Variants in ZSCAN12 observed in about 807,000 individuals in gnomAD.
The protein encoded by ZSCAN12 is zinc finger and SCAN domain-containing protein 12.
In ZSCAN12, 18 loss-of-function variants were observed where a neutral mutation model predicts 23.4. The observed-to-expected ratio is 0.77, with a 90% CI of 0.53 to 1.14. The LOEUF (loss-of-function observed/expected upper bound fraction) is 1.14, where lower values mean the gene tolerates loss of function less well. Among genes scored for constraint, ZSCAN12 ranks in the 50% most tolerant of loss-of-function variants. The pLI, the probability that ZSCAN12 is intolerant of heterozygous loss-of-function variation, is 0.00. For missense variants in ZSCAN12, 650 were observed against 735.0 expected (o/e 0.88, Z 1.34); for synonymous variants, 186 against 253.4 (o/e 0.73, Z 2.53).
Position 28,386,808 on chromosome 6 carries a change from A to C in ZSCAN12, c.*3646T>G, listed in dbSNP as rs1229200364. Among the ~76,000 whole-genome samples the C allele has an allele frequency of 6.6e-6, 1 of 151,842 alleles. No homozygotes were observed. Among genetic ancestry groups the C allele is most frequent in the Non-Finnish European group, 1.5e-5 (1 of 67,950 alleles). On this transcript the variant is annotated 3_prime_UTR_variant, in exon 4 of 4. Transcript: ENST00000684592. Reference sequence around the variant, plus strand: ...AAGCATGAGAAATAACCAGAACAAAACCCCCACGTGTATTTTTATTTTTAT... The same window carrying C: ...AAGCATGAGAAATAACCAGAACAAACCCCCCACGTGTATTTTTATTTTTAT...
downstream of ZSCAN12, among the ~76,000 whole-genome samples, chr6:28,384,671 C>T (rs975108881): frequency 1.3e-5 from 2 of 152,146 alleles, no homozygotes; most frequent in Non-Finnish European, 2.9e-5. Flanking sequence ...GCTTTGTCAA[C>T]ATCAAATTAT....
rs1338046503 is a variant in ZSCAN12 at position 28,390,580 on chromosome 6, T to C, written c.1710A>G (p.Lys570=). The C allele has an allele frequency of 6.3e-7, 1 of 1,598,034 alleles. No homozygotes were observed. The highest frequency in any genetic ancestry group is 1.8e-5 in the Admixed American group (1 of 57,006). ...KAFRQRSDLS[K]HQRIHNRRGT... Reference sequence around the variant, plus strand: ...CACGTCTATTATGGATTCTCTGGTGTTTACTAAGATCTGACCTCTGTCTGA... The same window carrying C: ...CACGTCTATTATGGATTCTCTGGTGCTTACTAAGATCTGACCTCTGTCTGA... The change falls in exon 4 of 4, where the codon AAA becomes AAG. Residue 570 remains lysine, a synonymous_variant. Transcript: ENST00000684592.
intron 2 of ZSCAN12, among the ~76,000 whole-genome samples, chr6:28,395,712 G>A (rs981850232): frequency 2.0e-5 from 3 of 152,108 alleles, no homozygotes; most frequent in African/African-American, 7.2e-5. Context: ...TGGCCTACAA[G>A]TTCTGACATA....
chr6:28,382,141 C>T (rs903621728), downstream of ZSCAN12: 2 of 172,620 alleles, frequency 1.2e-5, no homozygotes, highest in African/African-American at 4.7e-5. Context: ...TTCAACTTTT[C>T]CAGCATCATC....
At position 28,390,759 on chromosome 6, in the gene ZSCAN12, C is replaced by G; in HGVS notation, c.1531G>C (p.Val511Leu). 6.2e-7 allele frequency: 1 copy of G among 1,609,152 alleles called. No individual in the cohort carries two copies. Among genetic ancestry groups the G allele is most frequent in the Non-Finnish European group, 8.5e-7 (1 of 1,177,432 alleles). ...KCGKAFTQRS[V>L]LTEHQRIHTG... ...TGGATTCTCTGATGTTCCGTGAGGA[C>G]TGATCTTTGAGTAAACGCCTTCCCA... Residue 511 changes from valine to leucine, a missense_variant, in exon 4 of 4, where the codon GTC becomes CTC. Coordinates refer to ENST00000684592, the MANE Select transcript of ZSCAN12 (RefSeq NM_001163391.2).
chr6:28,397,613 T>C (rs1445143718), intron 2 of ZSCAN12, among the ~76,000 whole-genome samples: 1 of 152,214 alleles, frequency 6.6e-6, no homozygotes, highest in Non-Finnish European at 1.5e-5. Context: ...TTTAAAACCC[T>C]GTAATGGAGT....
rs1012887878 is a variant in ZSCAN12 at position 28,389,973 on chromosome 6, T to C, written c.*481A>G. 3.9e-5 allele frequency among the ~76,000 whole-genome samples: 6 copies of C among 152,200 alleles called. No homozygotes were observed. Among genetic ancestry groups the C allele is most frequent in the Admixed American group, 2.0e-4 (3 of 15,276 alleles). On this transcript the variant is annotated 3_prime_UTR_variant, in exon 4 of 4. Coordinates refer to ENST00000684592, the MANE Select transcript of ZSCAN12 (RefSeq NM_001163391.2). ...CCTTTTACTTCAGGTTGGCTAGTCTTTTCCCTGATGCTTCCAAACCACATG... is the reference window on the plus strand; with the variant it reads ...CCTTTTACTTCAGGTTGGCTAGTCTCTTCCCTGATGCTTCCAAACCACATG...
chr6:28,383,329 CAG>C (rs1760374478), downstream of ZSCAN12, among the ~76,000 whole-genome samples: 1 of 152,182 alleles, frequency 6.6e-6, no homozygotes, highest in South Asian at 2.1e-4. Context: ...CCAACCTCAC[CAG>C]AGACACTGAA....
Position 28,390,359 on chromosome 6 carries a change from A to C in ZSCAN12, c.*95T>G. 9.9e-7 allele frequency: 1 copy of C among 1,010,600 alleles called. No individual in the cohort carries two copies. 62.6% of individuals were successfully genotyped at this position (1,010,600 alleles called of 1,614,324 possible). On this transcript the variant is annotated 3_prime_UTR_variant, in exon 4 of 4. Coordinates refer to ENST00000684592, the MANE Select transcript of ZSCAN12 (RefSeq NM_001163391.2). ...CTTATTAAATATCTGAGGTTTCCTTATAACAATGGTGACTGAAGTTTTGCC... is the reference window on the plus strand; with the variant it reads ...CTTATTAAATATCTGAGGTTTCCTTCTAACAATGGTGACTGAAGTTTTGCC...
At position 28,386,889 on chromosome 6, in the gene ZSCAN12, G is replaced by C. The variant is rs1760577408; in HGVS notation, c.*3565C>G. Among the ~76,000 whole-genome samples the C allele has an allele frequency of 6.6e-6, 1 of 152,118 alleles. No individual in the cohort carries two copies. The highest frequency in any genetic ancestry group is 2.1e-4 in the South Asian group (1 of 4,806). On this transcript the variant is annotated 3_prime_UTR_variant, in exon 4 of 4. Transcript: ENST00000684592. The stretch of plus-strand genomic sequence containing the variant: ...TGTCACCAGGCGGGAGAGCAGTGGT[G>C]CCATCTCAGCTCACTGCAACCTCCA...
In ZSCAN12 at chr6:28,398,064, C is replaced by G. The variant is rs572377840; in HGVS notation, c.342G>C (p.Gly114=). Residue 114 remains glycine, a synonymous_variant, in exon 2 of 4, where the codon GGG becomes GGC. Transcript: ENST00000684592. ...AWVQEQHPES[G]EEVVTVLEDL... ...CCTCCAGCACAGTCACCACCTCCTC[C>G]CCACTCTCTGGATGCTGCTCCTGCA... 1.1e-4 allele frequency: 175 copies of G among 1,613,378 alleles called. No individual in the cohort carries two copies. The highest frequency in any genetic ancestry group is 1.3e-4 in the Non-Finnish European group (158 of 1,179,540).
Position 28,389,498 on chromosome 6 carries a change from C to T in ZSCAN12, c.*956G>A, listed in dbSNP as rs1290422138. On this transcript the variant is annotated 3_prime_UTR_variant, in exon 4 of 4. Transcript: ENST00000684592. ...TGAAGTCAGCTGTCATTCAACTCAA[C>T]GCTTCTCAAATTTTAAAGTATATTA... 1.3e-5 allele frequency among the ~76,000 whole-genome samples: 2 copies of T among 152,134 alleles called. No homozygotes were observed. The highest frequency in any genetic ancestry group is 4.8e-5 in the African/African-American group (2 of 41,420).
chr6:28,390,686 C>T lies in ZSCAN12; in HGVS notation c.1604G>A (p.Arg535Gln), dbSNP rs776085126. Reference sequence around the variant, plus strand: ...ATGCTGAATGAGGCTGGTGATTCCTCGGAAGGCATTCCCACACTCATCACA... The same window carrying T: ...ATGCTGAATGAGGCTGGTGATTCCTTGGAAGGCATTCCCACACTCATCACA... ...YKCDECGNAF[R>Q]GITSLIQHQR... Residue 535 changes from arginine (R) to glutamine (Q), a missense_variant, in exon 4 of 4, where the codon CGA (arginine) becomes CAA (glutamine). Coordinates refer to ENST00000684592, the MANE Select transcript of ZSCAN12 (RefSeq NM_001163391.2). 5.0e-6 allele frequency: 8 copies of T among 1,612,656 alleles called. No individual in the cohort carries two copies. In the African/African-American group the frequency reaches 5.3e-5, roughly 11 times the overall value.
At chr6:28,393,104 T>A in intron 2 of ZSCAN12, 58 bp from the exon 3 acceptor site, 7 of 1,532,012 alleles carry the variant, frequency 4.6e-6, no homozygotes, top group Non-Finnish European at 6.2e-6. Flanking sequence ...ACAAAAAGTA[T>A]ACTATTTGTG....
intron 2 of ZSCAN12, 124 bp downstream of exon 2, chr6:28,397,880 A>C: frequency 8.2e-7 from 1 of 1,216,662 alleles, no homozygotes; most frequent in South Asian, 1.9e-5. Context: ...CGTGAAACTC[A>C]TGCCCCTTTC....
At position 28,392,985 on chromosome 6, in the gene ZSCAN12, T is replaced by C; in HGVS notation, c.464A>G (p.Glu155Gly). The C allele has an allele frequency of 6.4e-7, 1 of 1,552,086 alleles. No homozygotes were observed. Among genetic ancestry groups the C allele is most frequent in the Non-Finnish European group, 8.7e-7 (1 of 1,147,048 alleles). ...CTGGAGGGACATACTGGGTTCTCCT[T>C]CTTTTCGTAGACGTACCGTCTCCTG... The part of the protein sequence containing the change: ...FLQETVRLRK[E>G]GEPSMSLQSM... Residue 155 changes from glutamate (E) to glycine (G), a missense_variant, in exon 3 of 4, where the codon GAA (glutamate) becomes GGA (glycine). Glu to Gly is a moderately conservative substitution (Grantham distance 98). Transcript: ENST00000684592.
downstream of ZSCAN12, chr6:28,382,450 G>A: frequency 6.5e-7 from 1 of 1,539,412 alleles, no homozygotes; most frequent in Non-Finnish European, 8.8e-7. Flanking sequence ...CTGATTCTTT[G>A]TTCTAGGCAC....
chr6:28,391,038 C>T lies in ZSCAN12; in HGVS notation c.1252G>A (p.Glu418Lys), dbSNP rs866464631. 10 of 1,557,148 alleles carry T rather than the reference C, an allele frequency of 6.4e-6. No homozygotes were observed. Among genetic ancestry groups the T allele is most frequent in the Middle Eastern group, 3.3e-4 (2 of 5,998 alleles). The change falls in exon 4 of 4, where the codon GAG becomes AAG. Residue 418 changes from glutamate to lysine, a missense_variant. By Grantham distance (56) the Glu-to-Lys change is moderately conservative. Transcript: ENST00000684592. This position sits in a 1 kb window ranked among gnomAD's most constrained non-coding sequence, Gnocchi z 4.1. ...TTATAAACAAAGGCTTTTCCACACT[C>T]GTTGCACTCATACGGCTTGGCGCCG... ...HTGAKPYECN[E>K]CGKAFVYNSS...
chr6:28,390,342 A>G lies in ZSCAN12; in HGVS notation c.*112T>C. 1 of 826,186 alleles carries G rather than the reference A, an allele frequency of 1.2e-6. No homozygotes were observed. The highest frequency in any genetic ancestry group is 1.8e-5 in the South Asian group (1 of 54,124). 51.2% of individuals were successfully genotyped at this position (826,186 alleles called of 1,614,324 possible). ...GCAGCACACAGTGAATTCTTATTAAATATCTGAGGTTTCCTTATAACAATG... is the reference window on the plus strand; with the variant it reads ...GCAGCACACAGTGAATTCTTATTAAGTATCTGAGGTTTCCTTATAACAATG... On this transcript the variant is annotated 3_prime_UTR_variant, in exon 4 of 4. Transcript: ENST00000684592.
Sources: allele counts gnomAD v4.1 joint callset (sites outside exome capture counted in the v4.1 genomes callset), GRCh38; gene constraint gnomAD v4.1.1; non-coding constraint Gnocchi (gnomAD v3.1); transcripts MANE v1.5; gene names NCBI Gene and HGNC (gene_info 2026-07-23, HGNC 2026-07-21).